Variants in RAB20 observed in about 807,000 individuals in gnomAD.
RAB20 encodes RAB20, member RAS oncogene family, also known as ras-related protein Rab-20.
Under a neutral mutation model 3.7 loss-of-function variants are expected in RAB20, and 2 were observed. That is an observed-to-expected ratio of 0.54 (90% CI 0.22 to 1.69). The LOEUF (loss-of-function observed/expected upper bound fraction) is 1.69, where lower values mean the gene tolerates loss of function less well. Among genes scored for constraint, RAB20 ranks in the 40% most tolerant of loss-of-function variants. The pLI is 0.19. For synonymous variants in RAB20, 126 were observed against 130.8 expected, an observed-to-expected ratio of 0.96 and a Z score of 0.25; for missense variants, 276 against 311.9, an observed-to-expected ratio of 0.88 and a Z score of 0.87.
At chr13:110,548,256 G>A (rs1242269962) in intron 1 of RAB20, among the ~76,000 whole-genome samples, 2 of 152,142 alleles carry the variant, frequency 1.3e-5, no homozygotes, top group African/African-American at 4.8e-5. Flanking sequence ...GGCCCAGGTG[G>A]GCAGATCACT....
intron 1 of RAB20, among the ~76,000 whole-genome samples, chr13:110,540,088 A>C (rs1884731245): frequency 6.6e-6 from 1 of 152,262 alleles, no homozygotes; most frequent in African/African-American, 2.4e-5. Flanking sequence ...CTCTTCAGAC[A>C]TGAATGTACT....
chr13:110,539,155 G>C (rs1229371642), intron 1 of RAB20, among the ~76,000 whole-genome samples: 1 of 152,178 alleles, frequency 6.6e-6, no homozygotes, highest in Non-Finnish European at 1.5e-5. Flanking sequence ...ATTTATAGTT[G>C]CTTTAATTTT....
At chr13:110,542,190 G>T (rs966024031) in intron 1 of RAB20, among the ~76,000 whole-genome samples, 1 of 152,048 alleles carries the variant, frequency 6.6e-6, no homozygotes, top group African/African-American at 2.4e-5. Context: ...CAGCTTTACT[G>T]GGGTATAAAT....
Position 110,561,390 on chromosome 13 carries a change from T to G in RAB20, c.130A>C (p.Lys44Gln), listed in dbSNP as rs1401895215. Residue 44 changes from lysine to glutamine, a missense_variant, in exon 1 of 2, where the codon AAG becomes CAG. Lys to Gln is a moderately conservative substitution (Grantham distance 53). Transcript: ENST00000267328. The stretch of plus-strand genomic sequence containing the variant: ...GAGATGTTGTAGGAGCGCCACTGCT[T>G]CAGGTAGAAGGCGCCGCCCACCGTG... ...VSTVGGAFYL[K>Q]QWRSYNISIW... The G allele has an allele frequency of 1.2e-6, 2 of 1,609,378 alleles. No individual in the cohort carries two copies. Among genetic ancestry groups the G allele is most frequent in the East Asian group, 4.5e-5 (2 of 44,140 alleles).
chr13:110,546,475 C>T lies in RAB20; in HGVS notation c.172+14873G>A, dbSNP rs9588188. Among the ~76,000 whole-genome samples the T allele has an allele frequency of 2.0e-3, 298 of 152,218 alleles. 1 individual carries two copies. The highest frequency in any genetic ancestry group is 6.9e-3 in the African/African-American group (288 of 41,534). ...GTTATGCCATGAGATGGTAGCGTCC[C>T]GAAAGGCAGTTCCAACCCACAAGGA... On this transcript the variant is annotated intron_variant, in intron 1 of 1. Transcript: ENST00000267328.
intron 1 of RAB20, among the ~76,000 whole-genome samples, chr13:110,557,432 C>T (rs1025814846): frequency 6.6e-6 from 1 of 152,338 alleles, no homozygotes; most frequent in Middle Eastern, 3.4e-3. Flanking sequence ...GGGAGGCTCA[C>T]ACTAGGAGGC....
At chr13:110,525,678 C>T (rs1884416228) in intron 1 of RAB20, among the ~76,000 whole-genome samples, 1 of 152,358 alleles carries the variant, frequency 6.6e-6, no homozygotes, top group East Asian at 1.9e-4. Flanking sequence ...GTGCACGCAG[C>T]AGGTGAGAGC....
intron 1 of RAB20, among the ~76,000 whole-genome samples, chr13:110,534,356 T>C (rs1313520166): frequency 6.6e-6 from 1 of 152,192 alleles, no homozygotes; most frequent in African/African-American, 2.4e-5. Context: ...GGAGGCTGTC[T>C]GCAAAGCTGA....
chr13:110,537,309 C>A (rs1884664092), intron 1 of RAB20, among the ~76,000 whole-genome samples: 1 of 151,836 alleles, frequency 6.6e-6, no homozygotes, highest in Admixed American at 6.6e-5. Context: ...CACGCCCGGC[C>A]GCTTTACTGT....
At chr13:110,540,441 T>G (rs184610685) in intron 1 of RAB20, among the ~76,000 whole-genome samples, 1 of 152,320 alleles carries the variant, frequency 6.6e-6, no homozygotes, top group Non-Finnish European at 1.5e-5. Flanking sequence ...TTAAGAAAAC[T>G]TTTTAAATCT....
At chr13:110,546,095 A>C (rs1884844977) in intron 1 of RAB20, among the ~76,000 whole-genome samples, 1 of 75,936 alleles carries the variant, frequency 1.3e-5, no homozygotes, top group Non-Finnish European at 3.2e-5. Context: ...GATAGGCACC[A>C]AAAAAAAAGC....
At chr13:110,547,121 A>C (rs1394289965) in intron 1 of RAB20, among the ~76,000 whole-genome samples, 3 of 152,192 alleles carry the variant, frequency 2.0e-5, no homozygotes, top group Admixed American at 6.5e-5. Context: ...GAATGCCGCC[A>C]GTCAAGGCCA....
At chr13:110,533,312 G>A (rs189896457) in intron 1 of RAB20, among the ~76,000 whole-genome samples, 35 of 152,300 alleles carry the variant, frequency 2.3e-4, no homozygotes, top group Non-Finnish European at 4.0e-4. Flanking sequence ...TGAGAGTCAT[G>A]GGACCATCTC....
chr13:110,536,930 TC>T (rs1385507557), intron 1 of RAB20, among the ~76,000 whole-genome samples: 3 of 26,768 alleles, frequency 1.1e-4, no homozygotes, highest in East Asian at 1.1e-3. Flanking sequence ...CCCTCCCCCC[TC>T]CCCCCACCCC....
In RAB20 at chr13:110,555,692, A is replaced by G. The variant is rs991146198; in HGVS notation, c.172+5656T>C. Among the ~76,000 whole-genome samples the G allele has an allele frequency of 2.6e-5, 4 of 152,218 alleles. No individual in the cohort carries two copies. Among genetic ancestry groups the G allele is most frequent in the African/African-American group, 4.8e-5 (2 of 41,456 alleles). The stretch of plus-strand genomic sequence containing the variant: ...GTGCCTTCTGCGGGTGAAACCAGTC[A>G]TCAGCCGGCCCCCTGCTCGACTCCA... On this transcript the variant is annotated intron_variant, in intron 1 of 1. Coordinates refer to ENST00000267328, the MANE Select transcript of RAB20 (RefSeq NM_017817.3). The surrounding 1 kb of genome is among the most constrained non-coding windows in gnomAD (Gnocchi z 4.0).
At chr13:110,535,030 C>T (rs112220674) in intron 1 of RAB20, among the ~76,000 whole-genome samples, 7,847 of 152,066 alleles carry the variant, frequency 0.052, 331 homozygotes, top group Middle Eastern at 0.13. Flanking sequence ...GATGAGGTCT[C>T]ACTAAGTTGC....
At chr13:110,524,652 C>T (rs1038176630) in intron 1 of RAB20, among the ~76,000 whole-genome samples, 2 of 152,240 alleles carry the variant, frequency 1.3e-5, no homozygotes, top group African/African-American at 4.8e-5. Context: ...TCCCTTCACC[C>T]TCCTCCTTTA....
At chr13:110,538,813 C>T (rs985653073) in intron 1 of RAB20, among the ~76,000 whole-genome samples, 1 of 151,996 alleles carries the variant, frequency 6.6e-6, no homozygotes, top group African/African-American at 2.4e-5. Flanking sequence ...GTGCACTTCC[C>T]TCACGTTCTT....
chr13:110,554,807 G>A (rs1215131088), intron 1 of RAB20, among the ~76,000 whole-genome samples: 2 of 152,166 alleles, frequency 1.3e-5, no homozygotes, highest in Non-Finnish European at 2.9e-5. Flanking sequence ...GGCCAGAGAG[G>A]GCCTGGAGAA....
Sources: allele counts gnomAD v4.1 joint callset (sites outside exome capture counted in the v4.1 genomes callset), GRCh38; gene constraint gnomAD v4.1.1; non-coding constraint Gnocchi (gnomAD v3.1); transcripts MANE v1.5; gene names NCBI Gene and HGNC (gene_info 2026-07-23, HGNC 2026-07-21).